The following ATG7 variants were observed in gnomAD, a reference collection of about 807,000 sequenced individuals.
ATG7 encodes the protein autophagy related 7.
Under a neutral mutation model 82.4 loss-of-function variants are expected in ATG7, and 70 were observed. The ratio of observed to expected loss-of-function variants is 0.85; its 90% CI spans 0.70 to 1.04. The LOEUF is 1.04. Among genes scored for constraint, ATG7 ranks in the 50% least tolerant of loss-of-function variants. The probability of loss-of-function intolerance (pLI) is 0.00; values close to 1 mark genes in which losing one functional copy is unlikely to be tolerated. For missense variants in ATG7, 792 were observed against 864.3 expected, an observed-to-expected ratio of 0.92 and a Z score of 1.05; for synonymous variants, 287 against 313.0, an observed-to-expected ratio of 0.92 and a Z score of 0.88.
intron 19 of ATG7, among the ~76,000 whole-genome samples, chr3:11,422,510 G>C (rs1320331481): frequency 6.6e-6 from 1 of 152,094 alleles, no homozygotes; most frequent in Non-Finnish European, 1.5e-5. Flanking sequence ...TCTGGATTGG[G>C]CTTTGCCTTA....
intron 13 of ATG7, among the ~76,000 whole-genome samples, chr3:11,345,887 A>G (rs1375205): frequency 0.016 from 2,440 of 152,294 alleles, 70 homozygotes; most frequent in East Asian, 0.065. Flanking sequence ...TAAAGCCATT[A>G]TAGAAAATAT....
At chr3:11,533,769 A>G (rs1034497644) in intron 20 of ATG7, among the ~76,000 whole-genome samples, 1 of 152,178 alleles carries the variant, frequency 6.6e-6, no homozygotes, top group Admixed American at 6.5e-5. Context: ...TTAGCACCTC[A>G]TATTTATCAG....
chr3:11,358,019 AAAAAG>A lies in ATG7; in HGVS notation c.1285-384_1285-380del, dbSNP rs1553626484. Among the ~76,000 whole-genome samples the A allele has an allele frequency of 7.3e-5, 11 of 151,186 alleles. No individual in the cohort carries two copies. The South Asian group carries it at 1.2e-3, about 17-fold the overall frequency. On this transcript the variant is annotated intron_variant, in intron 14 of 20. Transcript: ENST00000693202. ...GTAAGACCTTGTCTCAAAAAAAAAA[AAAAAG>A]AAAAGAAAAGAAAAAAAAAGAGGTA...
chr3:11,315,933 A>C (rs577155962), intron 9 of ATG7, among the ~76,000 whole-genome samples: 1 of 152,078 alleles, frequency 6.6e-6, no homozygotes, highest in Non-Finnish European at 1.5e-5. Context: ...AGGTTTCACT[A>C]TGTTGGCCAG....
chr3:11,278,065 T>C lies in ATG7; in HGVS notation c.-365-2929T>C, dbSNP rs189248772. Among the ~76,000 whole-genome samples, 1,054 of 152,340 alleles carry C rather than the reference T, an allele frequency of 6.9e-3. 10 individuals carry two copies. The highest frequency in any genetic ancestry group is 0.024 in the African/African-American group (1,014 of 41,584). On this transcript the variant is annotated intron_variant, in intron 1 of 20. Transcript: ENST00000693202. ...TGACCCTGTAGGCAGTCAGACCTTA[T>C]GGTTGTCTTCCCTTGTTCCCTGAAA...
intron 19 of ATG7, among the ~76,000 whole-genome samples, chr3:11,423,788 C>T (rs1211474203): frequency 1.3e-5 from 2 of 152,146 alleles, no homozygotes; most frequent in African/African-American, 4.8e-5. Context: ...GACTCTTTCC[C>T]AGTCCCTTCA....
chr3:11,486,820 G>GTTTTTTT (rs34251925), intron 20 of ATG7, among the ~76,000 whole-genome samples: 1 of 131,994 alleles, frequency 7.6e-6, no homozygotes, highest in African/African-American at 2.9e-5. Context: ...CTTTGGTTCT[G>GTTTTTTT]TTTTTTTTTT....
intron 20 of ATG7, among the ~76,000 whole-genome samples, chr3:11,532,936 C>T (rs1342461071): frequency 6.6e-6 from 1 of 152,196 alleles, no homozygotes; most frequent in Non-Finnish European, 1.5e-5. Flanking sequence ...ACCACCCCAG[C>T]CCCCAGAGTC....
At chr3:11,334,982 T>G (rs1229830344) in intron 11 of ATG7, among the ~76,000 whole-genome samples, 1 of 149,514 alleles carries the variant, frequency 6.7e-6, no homozygotes, top group Non-Finnish European at 1.5e-5. Context: ...AAAAATCTCT[T>G]CTGAGATATC....
At chr3:11,560,534 A>C (rs1412115376), downstream of ATG7, among the ~76,000 whole-genome samples, 1 of 152,184 alleles carries the variant, frequency 6.6e-6, no homozygotes, top group Non-Finnish European at 1.5e-5. Flanking sequence ...AAAGACACAA[A>C]AGGCTTGCAT....
rs2072429442 is a variant in ATG7, at chr3:11,556,537, A to C, written c.*1694A>C. Reference sequence around the variant, plus strand: ...TAGCAATAACAAACTCGTGGCTATGAATGCAGATGCAGTGTTCTCATAGAA... The same window carrying C: ...TAGCAATAACAAACTCGTGGCTATGCATGCAGATGCAGTGTTCTCATAGAA... On this transcript the variant is annotated 3_prime_UTR_variant, in exon 21 of 21. Coordinates refer to ENST00000693202, the MANE Select transcript of ATG7 (RefSeq NM_001349232.2). The C allele has an allele frequency of 6.5e-6, 1 of 152,720 alleles. No homozygotes were observed. Among genetic ancestry groups the C allele is most frequent in the Non-Finnish European group, 1.5e-5 (1 of 68,022 alleles). The allele number at this position is 152,720 out of a possible 1,614,324, so 9.5% of individuals were successfully genotyped here.
chr3:11,471,745 CT>C (rs200590021), intron 20 of ATG7, among the ~76,000 whole-genome samples: 2,625 of 105,644 alleles, frequency 0.025, 62 homozygotes, highest in East Asian at 0.14. Flanking sequence ...TTTTAGATTT[CT>C]TTTTTTTTTT....
chr3:11,423,402 A>G (rs953216463), intron 19 of ATG7, among the ~76,000 whole-genome samples: 6 of 152,238 alleles, frequency 3.9e-5, no homozygotes, highest in Admixed American at 6.5e-5. Flanking sequence ...AGAGACACGA[A>G]GTGAGCACAT....
chr3:11,280,479 G>T (rs1942851575), intron 1 of ATG7, among the ~76,000 whole-genome samples: 1 of 152,164 alleles, frequency 6.6e-6, no homozygotes, highest in Non-Finnish European at 1.5e-5. Context: ...GGTCTCTCTG[G>T]CTCATGAACC....
chr3:11,508,716 G>A (rs925099280), intron 20 of ATG7, among the ~76,000 whole-genome samples: 3 of 152,164 alleles, frequency 2.0e-5, no homozygotes, highest in African/African-American at 7.2e-5. Context: ...TTCCCAAAGC[G>A]CTGAGATTAC....
intron 18 of ATG7, among the ~76,000 whole-genome samples, chr3:11,372,841 C>CGT (rs1340516221): frequency 2.3e-3 from 36 of 15,844 alleles, no homozygotes; most frequent in African/African-American, 6.5e-3. Flanking sequence ...TGTGTGCGTG[C>CGT]GTGCGTGTGC....
chr3:11,459,983 C>T (rs2152996986), intron 20 of ATG7, among the ~76,000 whole-genome samples: 1 of 152,336 alleles, frequency 6.6e-6, no homozygotes, highest in South Asian at 2.1e-4. Flanking sequence ...CATACTGCCT[C>T]TTACATGTCT....
intron 20 of ATG7, among the ~76,000 whole-genome samples, chr3:11,509,211 TATAAAC>T (rs2091912649): frequency 6.6e-6 from 1 of 152,210 alleles, no homozygotes; most frequent in African/African-American, 2.4e-5. Context: ...GCTTTTAGCT[TATAAAC>T]ATAGAGTTTG....
At chr3:11,289,250 T>C (rs1382135809) in intron 3 of ATG7, among the ~76,000 whole-genome samples, 3 of 152,208 alleles carry the variant, frequency 2.0e-5, no homozygotes, top group African/African-American at 7.2e-5. Flanking sequence ...AATGTTTGGA[T>C]TTAGATTAGT....
Sources: gnomAD v4.1 joint callset for allele counts (sites outside exome capture counted in the v4.1 genomes callset) on GRCh38, gnomAD v4.1.1 for gene constraint, MANE v1.5 for transcripts, NCBI Gene and HGNC (gene_info 2026-07-23, HGNC 2026-07-21) for gene names.